The following DAAM2 variants were observed in gnomAD, a reference collection of about 807,000 sequenced individuals.
The protein encoded by DAAM2 is disheveled-associated activator of morphogenesis 2.
A neutral mutation model predicts 120.7 loss-of-function variants in DAAM2; 39 were observed. That is an observed-to-expected ratio of 0.32 (90% CI 0.25 to 0.42). DAAM2 has a LOEUF of 0.42. Among genes scored for constraint, DAAM2 ranks in the 10% least tolerant of loss-of-function variants. The pLI is 1.00. For missense variants in DAAM2, 1,283 were observed against 1,401.7 expected (o/e 0.92, Z 1.35); for synonymous variants, 488 against 524.9 (o/e 0.93, Z 0.96).
chr6:39,836,458 T>C, intron 1 of DAAM2, among the ~76,000 whole-genome samples: 1 of 152,180 alleles, frequency 6.6e-6, no homozygotes. Context: ...ATTATTACTG[T>C]GATCTCTAGT....
chr6:39,823,923 C>T (rs1337855696), intron 1 of DAAM2, among the ~76,000 whole-genome samples: 1 of 152,112 alleles, frequency 6.6e-6, no homozygotes, highest in Non-Finnish European at 1.5e-5. Context: ...GTCTTGCTGT[C>T]ATCTCTGCTT....
rs1428181558 is a variant in DAAM2, at chr6:39,895,851, A to AC, written c.2342-960dup. Among the ~76,000 whole-genome samples, 34 of 152,344 alleles carry AC rather than the reference A, an allele frequency of 2.2e-4. No individual in the cohort carries two copies. In the East Asian group the frequency reaches 5.4e-3, roughly 24 times the overall value. On this transcript the variant is annotated intron_variant, in intron 19 of 24. Transcript: ENST00000274867. Reference sequence around the variant, plus strand: ...TTAGTTTGTATTTCTGGCAAAGATAACATTTAGAGCATTGGGGGAAAATGG... The same window carrying AC: ...TTAGTTTGTATTTCTGGCAAAGATAACCATTTAGAGCATTGGGGGAAAATGG...
chr6:39,880,578 T>A (rs879423815), intron 14 of DAAM2, among the ~76,000 whole-genome samples: 2 of 152,106 alleles, frequency 1.3e-5, no homozygotes, highest in Non-Finnish European at 2.9e-5. Context: ...CTGAGATGAG[T>A]TAAGGGTGAG....
intron 1 of DAAM2, among the ~76,000 whole-genome samples, chr6:39,839,439 G>GA (rs1487301422): frequency 3.3e-5 from 5 of 152,182 alleles, no homozygotes; most frequent in Non-Finnish European, 7.4e-5. Context: ...GTTGAAAGTG[G>GA]AAAAAACAGG....
intron 14 of DAAM2, chr6:39,882,013 C>T (rs1017598342): frequency 6.6e-6 from 1 of 152,000 alleles, no homozygotes; most frequent in Non-Finnish European, 1.5e-5. Context: ...CCCGCCTGAC[C>T]CCAAAGGCAG....
chr6:39,846,974 C>T (rs996826508), intron 1 of DAAM2, among the ~76,000 whole-genome samples: 1 of 152,334 alleles, frequency 6.6e-6, no homozygotes, highest in South Asian at 2.1e-4. Context: ...AGCTCCCATC[C>T]TACCCCCTAG....
Position 39,901,702 on chromosome 6 carries a change from TACAG to T in DAAM2, c.2983-110_2983-107del. ...GCAGGAAGAAAGTGGGGCCAACAGA[TACAG>T]GCAGGCAGCATGACCATGGCCTAGG... On this transcript the variant is annotated intron_variant, in intron 24 of 24. Transcript: ENST00000274867. The surrounding 1 kb of genome is among the most constrained non-coding windows in gnomAD (Gnocchi z 4.5). 1 of 1,099,912 alleles carries T rather than the reference TACAG, an allele frequency of 9.1e-7. No homozygotes were observed. The highest frequency in any genetic ancestry group is 1.3e-6 in the Non-Finnish European group (1 of 792,518). 68.1% of individuals were successfully genotyped at this position (1,099,912 alleles called of 1,614,324 possible).
At chr6:39,816,569 G>A (rs985192297) in intron 1 of DAAM2, among the ~76,000 whole-genome samples, 1 of 152,202 alleles carries the variant, frequency 6.6e-6, no homozygotes, top group African/African-American at 2.4e-5. Flanking sequence ...GCCACCCCCA[G>A]TTTTGAGAGC....
intron 1 of DAAM2, among the ~76,000 whole-genome samples, chr6:39,806,783 A>C (rs1209835618): frequency 4.0e-5 from 6 of 151,446 alleles, no homozygotes; most frequent in South Asian, 4.2e-4. Flanking sequence ...ACTTGGAATC[A>C]GGGAAATACA....
intron 10 of DAAM2, among the ~76,000 whole-genome samples, 164 bp from the exon 11 acceptor site, chr6:39,875,166 A>T (rs942839315): frequency 8.5e-5 from 13 of 152,186 alleles, no homozygotes; most frequent in African/African-American, 3.1e-4. Context: ...TGAATCAGTG[A>T]GTTGCCATTA....
At chr6:39,824,726 C>A (rs564049929) in intron 1 of DAAM2, among the ~76,000 whole-genome samples, 1 of 152,272 alleles carries the variant, frequency 6.6e-6, no homozygotes, top group Admixed American at 6.5e-5. Flanking sequence ...AGAGGACCCA[C>A]TGGTGCCTTC....
chr6:39,896,390 G>A (rs1766092050), intron 19 of DAAM2, among the ~76,000 whole-genome samples: 1 of 152,128 alleles, frequency 6.6e-6, no homozygotes, highest in South Asian at 2.1e-4. Flanking sequence ...TTTTAGTAGA[G>A]ACAGGGTTTC....
intron 1 of DAAM2, among the ~76,000 whole-genome samples, chr6:39,816,926 C>T (rs1762326709): frequency 6.6e-6 from 1 of 152,210 alleles, no homozygotes; most frequent in African/African-American, 2.4e-5. Context: ...TATAAATACT[C>T]ATCATCACAT....
chr6:39,869,753 CTTTTTTT>C lies in DAAM2; in HGVS notation c.874-566_874-560del, dbSNP rs531295826. Among the ~76,000 whole-genome samples the C allele has an allele frequency of 3.7e-3, 382 of 102,016 alleles. 3 individuals are homozygous for C. The Middle Eastern group carries it at 0.044, about 12-fold the overall frequency. 66.9% of individuals were successfully genotyped at this position (102,016 alleles called of 152,430 possible). ...CTTTCCCCTCTTTTCCGCCAGCATA[CTTTTTTT>C]TTTTTTTTTTTTTTTTTTTTAAAAA... On this transcript the variant is annotated intron_variant, in intron 7 of 24. Transcript: ENST00000274867.
intron 1 of DAAM2, among the ~76,000 whole-genome samples, chr6:39,847,111 C>CG (rs1763625964): frequency 6.6e-6 from 1 of 152,180 alleles, no homozygotes; most frequent in African/African-American, 2.4e-5. Context: ...GGCACAGCCC[C>CG]GGGGGCCAGG....
chr6:39,897,044 T>G, intron 20 of DAAM2, 64 bp downstream of exon 20: 1 of 1,556,050 alleles, frequency 6.4e-7, no homozygotes, highest in East Asian at 2.2e-5. Flanking sequence ...GCCTCTCACA[T>G]CCTCCCTCTA....
chr6:39,811,274 C>G (rs1432536023), intron 1 of DAAM2, among the ~76,000 whole-genome samples: 1 of 152,004 alleles, frequency 6.6e-6, no homozygotes, highest in East Asian at 1.9e-4. Context: ...GGGCCATTCT[C>G]ACGTGGCTAA....
rs1435033970 is a variant in DAAM2 at position 39,884,025 on chromosome 6, C to G, written c.1909C>G (p.Leu637Val). 1.9e-6 allele frequency: 3 copies of G among 1,613,246 alleles called. No individual in the cohort carries two copies. The highest frequency in any genetic ancestry group is 1.7e-6 in the Non-Finnish European group (2 of 1,179,416). The part of the protein sequence containing the change: ...DDMQVFRILD[L>V]EDFEKMFSAY... ...CATGCAGGTATTTCGGATCCTGGAC[C>G]TAGAGGATTTTGAAAAGATGTTTTC... Residue 637 changes from leucine to valine, a missense_variant, in exon 15 of 25, where the codon CTA becomes GTA. Physicochemically the swap from Leu to Val is conservative, Grantham distance 32. Around this residue, in one of 3 missense-constraint regions of DAAM2, gnomAD observed 748 missense variants for 768.6 expected, o/e 0.97. Coordinates refer to ENST00000274867, the MANE Select transcript of DAAM2 (RefSeq NM_001201427.2).
At chr6:39,897,052 CTA>C (rs1229293140) in intron 20 of DAAM2, 72 bp downstream of exon 20, 1 of 1,546,632 alleles carries the variant, frequency 6.5e-7, no homozygotes, top group African/African-American at 1.4e-5. Flanking sequence ...CATCCTCCCT[CTA>C]TTAGGACGGG....
Sources: gnomAD v4.1 joint callset for allele counts (sites outside exome capture counted in the v4.1 genomes callset) on GRCh38, gnomAD v4.1.1 for gene constraint, gnomAD v4.1.1 regional missense constraint, Gnocchi (gnomAD v3.1) non-coding constraint, MANE v1.5 for transcripts, NCBI Gene and HGNC (gene_info 2026-07-23, HGNC 2026-07-21) for gene names.